The following ALK variants were observed in gnomAD, a reference collection of about 807,000 sequenced individuals.
ALK encodes ALK tyrosine kinase receptor.
ALK carries 74 observed loss-of-function variants against 163.1 expected under a neutral mutation model. The ratio of observed to expected loss-of-function variants is 0.45; its 90% CI spans 0.38 to 0.55. The LOEUF is 0.55. Among genes scored for constraint, ALK ranks in the 20% least tolerant of loss-of-function variants. The pLI is 0.00. For synonymous variants in ALK, 960 were observed against 843.2 expected (o/e 1.14, Z -2.40); for missense variants, 2,063 against 2,105.3 (o/e 0.98, Z 0.39).
chr2:29,437,879 CTCAGAT>C (rs1256164574), intron 4 of ALK, among the ~76,000 whole-genome samples: 1 of 152,238 alleles, frequency 6.6e-6, no homozygotes, highest in Non-Finnish European at 1.5e-5. Context: ...GCAAAACTAA[CTCAGAT>C]TCAAACAGTC....
chr2:29,733,554 C>A (rs774763447), intron 1 of ALK, among the ~76,000 whole-genome samples: 49 of 152,228 alleles, frequency 3.2e-4, no homozygotes, highest in Non-Finnish European at 6.0e-4. Flanking sequence ...ATAATAGAAG[C>A]AATCTTACAT....
At chr2:29,564,288 C>G (rs1259528880) in intron 3 of ALK, among the ~76,000 whole-genome samples, 2 of 152,304 alleles carry the variant, frequency 1.3e-5, no homozygotes, top group South Asian at 4.1e-4. Context: ...CAAGGGGTGA[C>G]AGGTGCTTCT....
intron 26 of ALK, 99 bp from the exon 27 acceptor site, chr2:29,197,775 T>C (rs974129049): frequency 4.5e-5 from 47 of 1,039,468 alleles, no homozygotes; most frequent in African/African-American, 4.1e-4. Flanking sequence ...AACCTTTTTT[T>C]CCCCCATTAT....
At chr2:29,427,520 T>C (rs1670173560) in intron 4 of ALK, among the ~76,000 whole-genome samples, 1 of 151,902 alleles carries the variant, frequency 6.6e-6, no homozygotes, top group Non-Finnish European at 1.5e-5. Context: ...TGGTAAGCCC[T>C]AGAGAAACTA....
intron 2 of ALK, among the ~76,000 whole-genome samples, chr2:29,695,538 C>A (rs1051592053): frequency 1.3e-5 from 2 of 152,116 alleles, no homozygotes; most frequent in Admixed American, 6.5e-5. Flanking sequence ...AATGTATGTG[C>A]GGCTTACAAC....
rs1048589952 is a variant in ALK at position 29,193,287 on chromosome 2, T to C, written c.4800A>G (p.Gly1600=). The C allele has an allele frequency of 6.2e-7, 1 of 1,614,140 alleles. No homozygotes were observed. The highest frequency in any genetic ancestry group is 8.5e-7 in the Non-Finnish European group (1 of 1,180,012). The stretch of plus-strand genomic sequence containing the variant: ...GAATGGTATCCTCGTAATGACCAGC[T>C]CCAGGGGCAGTAGCGGCTTCTAAGG... ...GLPLEAATAP[G]AGHYEDTILK... Residue 1600 remains glycine (G), a synonymous_variant, in exon 29 of 29, where the codon GGA becomes GGG. Transcript: ENST00000389048.
intron 11 of ALK, among the ~76,000 whole-genome samples, chr2:29,265,656 C>G (rs972390639): frequency 3.9e-5 from 6 of 152,172 alleles, no homozygotes; most frequent in African/African-American, 1.4e-4. Context: ...ACAATTTGCT[C>G]TTATCTTATT....
At chr2:29,277,144 G>A (rs888059342) in intron 9 of ALK, among the ~76,000 whole-genome samples, 1 of 152,162 alleles carries the variant, frequency 6.6e-6, no homozygotes, top group Non-Finnish European at 1.5e-5. Context: ...GGTACAACAA[G>A]GACAAGAAAT....
rs142993989 is a variant in ALK, at chr2:29,487,875, C to T, written c.1154+44040G>A. Among the ~76,000 whole-genome samples, 1,417 of 152,270 alleles carry T rather than the reference C, an allele frequency of 9.3e-3. 12 individuals carry two copies. The highest frequency in any genetic ancestry group is 0.019 in the Admixed American group (288 of 15,290). On this transcript the variant is annotated intron_variant, in intron 4 of 28. Coordinates refer to ENST00000389048, the MANE Select transcript of ALK (RefSeq NM_004304.5). ...CATCTCCCTCTCTCCAAAGCCTGCC[C>T]GCTATCCCGTGCTTGTTCCTGGAGC... is the stretch of plus-strand genomic sequence containing the variant.
intron 3 of ALK, among the ~76,000 whole-genome samples, chr2:29,664,355 C>CAATTA (rs1284678789): frequency 1.3e-5 from 2 of 152,108 alleles, no homozygotes; most frequent in Non-Finnish European, 2.9e-5. Flanking sequence ...CCAAACTATA[C>CAATTA]AATTAAATTA....
At chr2:29,386,807 T>G (rs749984468) in intron 4 of ALK, among the ~76,000 whole-genome samples, 1 of 152,210 alleles carries the variant, frequency 6.6e-6, no homozygotes, top group East Asian at 1.9e-4. Flanking sequence ...TCCAGGGAAG[T>G]TGGGACTAGA....
chr2:29,701,128 G>A (rs1238543965), intron 2 of ALK, among the ~76,000 whole-genome samples: 1 of 152,182 alleles, frequency 6.6e-6, no homozygotes, highest in African/African-American at 2.4e-5. Flanking sequence ...GGACACTTGG[G>A]TCTCCTCTTG....
intron 5 of ALK, among the ~76,000 whole-genome samples, chr2:29,364,150 G>T (rs915398691): frequency 6.6e-6 from 1 of 152,162 alleles, no homozygotes; most frequent in East Asian, 1.9e-4. Flanking sequence ...CGAAAGGGAG[G>T]CTATTCAGAT....
At chr2:29,713,854 A>G (rs1017719451) in intron 2 of ALK, among the ~76,000 whole-genome samples, 10 of 151,704 alleles carry the variant, frequency 6.6e-5, no homozygotes, top group African/African-American at 2.4e-4. Flanking sequence ...TTTTTTTTTA[A>G]ATAAATGAAA....
At chr2:29,900,655 G>A (rs890374741) in intron 1 of ALK, among the ~76,000 whole-genome samples, 34 of 152,144 alleles carry the variant, frequency 2.2e-4, no homozygotes, top group Admixed American at 9.8e-4. Context: ...GCAAACATGG[G>A]CCATCTACAC....
intron 1 of ALK, among the ~76,000 whole-genome samples, chr2:29,799,537 A>AC (rs57924781): frequency 2.0e-5 from 3 of 151,112 alleles, no homozygotes; most frequent in East Asian, 1.9e-4. Context: ...AAACAAACAA[A>AC]AAACAGGCAC....
chr2:29,601,888 G>C (rs990658542), intron 3 of ALK, among the ~76,000 whole-genome samples: 1 of 152,038 alleles, frequency 6.6e-6, no homozygotes, highest in Non-Finnish European at 1.5e-5. Flanking sequence ...GAAACTCTGA[G>C]AGAAGCATGT....
chr2:29,656,722 C>T (rs1323846988), intron 3 of ALK, among the ~76,000 whole-genome samples: 1 of 152,094 alleles, frequency 6.6e-6, no homozygotes, highest in East Asian at 1.9e-4. Context: ...CCAGGTAGTG[C>T]ACTCTTTGTG....
chr2:29,469,667 T>G (rs1461541890), intron 4 of ALK, among the ~76,000 whole-genome samples: 1 of 152,192 alleles, frequency 6.6e-6, no homozygotes, highest in African/African-American at 2.4e-5. Context: ...TTCCCACTCA[T>G]CATCCCCCAG....
Sources: gnomAD v4.1 joint callset for allele counts (sites outside exome capture counted in the v4.1 genomes callset) on GRCh38, gnomAD v4.1.1 for gene constraint, MANE v1.5 for transcripts, NCBI Gene and HGNC (gene_info 2026-07-23, HGNC 2026-07-21) for gene names.